AFG2A: variants seen among roughly 807,000 people sequenced by gnomAD.
AFG2A encodes the protein AAA ATPase AFG2A.
chr4:123,028,396 G>C, the AFG2A span: 1 of 1,613,892 alleles, frequency 6.2e-7, no homozygotes, highest in Non-Finnish European at 8.5e-7. Flanking sequence ...AGCTATAAAG[G>C]TAGGGTGTTA....
At chr4:122,974,264 A>T in the AFG2A span, among the ~76,000 whole-genome samples, 55 of 152,044 alleles carry the variant, frequency 3.6e-4, 1 homozygote, top group Middle Eastern at 3.4e-3. Flanking sequence ...TTTGCATGAT[A>T]TAAAAAAAAG....
chr4:123,237,019 TCAC>T, the AFG2A span, among the ~76,000 whole-genome samples: 2 of 152,222 alleles, frequency 1.3e-5, no homozygotes, highest in African/African-American at 4.8e-5. Flanking sequence ...TTCTTAAAGT[TCAC>T]CAAGTGATTG....
the AFG2A span, among the ~76,000 whole-genome samples, chr4:123,286,418 T>C: frequency 5.9e-5 from 9 of 152,302 alleles, no homozygotes; most frequent in Admixed American, 5.9e-4. Flanking sequence ...GATGCATAAA[T>C]TATATCAGTA....
the AFG2A span, among the ~76,000 whole-genome samples, chr4:123,177,192 A>ATTTTTT: frequency 1.5e-5 from 2 of 130,242 alleles, no homozygotes; most frequent in Non-Finnish European, 3.3e-5. Flanking sequence ...GCTTGATTTG[A>ATTTTTT]TTTTTTTTTT....
At chr4:123,113,497 AT>A in the AFG2A span, among the ~76,000 whole-genome samples, 14 of 151,438 alleles carry the variant, frequency 9.2e-5, no homozygotes, top group African/African-American at 2.9e-4. Context: ...TCCAGTTAAT[AT>A]TAAAAAAAAA....
the AFG2A span, among the ~76,000 whole-genome samples, chr4:122,956,644 A>T: frequency 6.6e-6 from 1 of 152,116 alleles, no homozygotes; most frequent in African/African-American, 2.4e-5. Context: ...GTATTTATTT[A>T]TTTTGAGATG....
the AFG2A span, among the ~76,000 whole-genome samples, chr4:123,157,871 A>G: frequency 6.6e-6 from 1 of 152,222 alleles, no homozygotes; most frequent in South Asian, 2.1e-4. Context: ...AAAGAATCCT[A>G]GAGTCACAGA....
At chr4:123,104,875 A>G in the AFG2A span, among the ~76,000 whole-genome samples, 29 of 152,360 alleles carry the variant, frequency 1.9e-4, no homozygotes, top group African/African-American at 5.5e-4. Context: ...TTAAGGAAAG[A>G]AGCTATCTGC....
At chr4:123,291,050 C>G in the AFG2A span, among the ~76,000 whole-genome samples, 2 of 151,948 alleles carry the variant, frequency 1.3e-5, no homozygotes, top group African/African-American at 4.8e-5. Flanking sequence ...ATATAATGAC[C>G]CTCTTTGGGT....
At chr4:123,170,656 T>C in the AFG2A span, among the ~76,000 whole-genome samples, 1 of 152,200 alleles carries the variant, frequency 6.6e-6, no homozygotes. Flanking sequence ...GAAATTCTTT[T>C]TTGATTGGTG....
the AFG2A span, among the ~76,000 whole-genome samples, chr4:123,180,978 C>T: frequency 2.1e-4 from 25 of 118,358 alleles, no homozygotes; most frequent in Admixed American, 4.0e-4. Flanking sequence ...TCCTCCCCCT[C>T]TTTTTTTTTT....
the AFG2A span, among the ~76,000 whole-genome samples, chr4:123,201,757 A>G: frequency 6.6e-6 from 1 of 152,124 alleles, no homozygotes; most frequent in African/African-American, 2.4e-5. Flanking sequence ...TGTCTTTACT[A>G]AAAATACAAA....
chr4:122,999,388 C>G, the AFG2A span, among the ~76,000 whole-genome samples: 1 of 151,886 alleles, frequency 6.6e-6, no homozygotes, highest in Non-Finnish European at 1.5e-5. Context: ...TTGCCCATGC[C>G]TATGTCCTGC....
the AFG2A span, among the ~76,000 whole-genome samples, chr4:123,252,288 G>A: frequency 4.6e-3 from 695 of 151,620 alleles, 4 homozygotes; most frequent in Middle Eastern, 0.017. Context: ...GATTTGAACA[G>A]TCTGTTTGGA....
At chr4:122,997,918 G>C in the AFG2A span, among the ~76,000 whole-genome samples, 2 of 151,832 alleles carry the variant, frequency 1.3e-5, no homozygotes, top group African/African-American at 4.8e-5. Flanking sequence ...CTTTTCATTT[G>C]CTTATTGACC....
the AFG2A span, among the ~76,000 whole-genome samples, chr4:123,269,781 A>G: frequency 1.6e-4 from 24 of 152,142 alleles, no homozygotes; most frequent in African/African-American, 5.3e-4. Flanking sequence ...TCTTTTTCCG[A>G]TGTCACCTTT....
At chr4:123,262,166 G>A in the AFG2A span, among the ~76,000 whole-genome samples, 2 of 151,990 alleles carry the variant, frequency 1.3e-5, no homozygotes, top group African/African-American at 2.4e-5. Context: ...CTTAAAGTCT[G>A]GCAAAACAGC....
the AFG2A span, among the ~76,000 whole-genome samples, chr4:123,142,270 A>T: frequency 6.6e-6 from 1 of 152,176 alleles, no homozygotes; most frequent in East Asian, 1.9e-4. Flanking sequence ...GTATGCATGC[A>T]TGTAAGTACA....
chr4:122,935,660 A>G, the AFG2A span: 6 of 1,484,470 alleles, frequency 4.0e-6, no homozygotes, highest in East Asian at 4.7e-5. Context: ...GTATGACAAC[A>G]TTTATAAGAA....
Sources: allele counts gnomAD v4.1 joint callset (sites outside exome capture counted in the v4.1 genomes callset), GRCh38; gene constraint gnomAD v4.1.1; transcripts MANE v1.5; gene names NCBI Gene and HGNC (gene_info 2026-07-23, HGNC 2026-07-21).